Variants in LIMK2 observed in about 807,000 individuals in gnomAD.
The protein encoded by LIMK2 is LIM domain kinase 2.
LIMK2 carries 35 observed loss-of-function variants against 75.7 expected under a neutral mutation model. The observed-to-expected ratio is 0.46, with a 90% CI of 0.35 to 0.61. The LOEUF (loss-of-function observed/expected upper bound fraction) is 0.61, where lower values mean the gene tolerates loss of function less well. Ranked by LOEUF, LIMK2 falls within the 20% of genes least tolerant of loss-of-function variation. The pLI is 0.00. For missense variants in LIMK2, 623 were observed against 831.0 expected (o/e 0.75, Z 3.08); for synonymous variants, 301 against 319.2 (o/e 0.94, Z 0.61).
In LIMK2 at chr22:31,263,510, G is replaced by A. The variant is rs144698183; in HGVS notation, c.854+719G>A. Among the ~76,000 whole-genome samples the A allele has an allele frequency of 7.2e-5, 11 of 152,296 alleles. 1 individual carries two copies. The East Asian group carries it at 2.1e-3, about 29-fold the overall frequency. ...TGTATAGTGCTGCCATAGGGACAGTGTTCAGTAAACGTGACACATTCTTAG... is the reference window on the plus strand; with the variant it reads ...TGTATAGTGCTGCCATAGGGACAGTATTCAGTAAACGTGACACATTCTTAG... On this transcript the variant is annotated intron_variant, in intron 7 of 15. Coordinates refer to ENST00000331728, the MANE Select transcript of LIMK2 (RefSeq NM_005569.4).
chr22:31,246,306 A>G (rs753679910), intron 2 of LIMK2, among the ~76,000 whole-genome samples: 5 of 151,440 alleles, frequency 3.3e-5, no homozygotes, highest in South Asian at 2.1e-4. Context: ...TGAGACTACA[A>G]TGAACCATGT....
intron 5 of LIMK2, among the ~76,000 whole-genome samples, chr22:31,260,852 T>C (rs1170275507): frequency 6.6e-6 from 1 of 152,214 alleles, no homozygotes; most frequent in African/African-American, 2.4e-5. Context: ...AGGTTGAGTG[T>C]GGCCAGAAAA....
intron 2 of LIMK2, among the ~76,000 whole-genome samples, chr22:31,239,095 G>A (rs968710271): frequency 6.6e-6 from 1 of 152,172 alleles, no homozygotes; most frequent in Non-Finnish European, 1.5e-5. Context: ...GTGGCCCCAG[G>A]ACAAAGGCAT....
intron 2 of LIMK2, among the ~76,000 whole-genome samples, chr22:31,244,431 G>C (rs1315402437): frequency 2.0e-5 from 3 of 152,130 alleles, no homozygotes; most frequent in African/African-American, 7.2e-5. Flanking sequence ...CTGTGTGGCT[G>C]GGAGAAAGAT....
Position 31,272,700 on chromosome 22 carries a change from G to C in LIMK2, c.1554G>C (p.Leu518=), listed in dbSNP as rs2048971895. ...CCTACTGGATGGCCCCTGAGATGCT[G>C]AACGGTGAGTCCTGAAGCCCTGGAG... ...GNPYWMAPEM[L]NGKSYDETVD... Residue 518 remains leucine (L), a synonymous_variant, in exon 13 of 16, where the codon CTG becomes CTC. Transcript: ENST00000331728. 4 of 1,603,354 alleles carry C rather than the reference G, an allele frequency of 2.5e-6. No individual in the cohort carries two copies. The highest frequency in any genetic ancestry group is 3.4e-6 in the Non-Finnish European group (4 of 1,174,898).
chr22:31,225,870 T>A, intron 2 of LIMK2, 51 bp downstream of exon 2: 1 of 1,287,552 alleles, frequency 7.8e-7, no homozygotes, highest in Non-Finnish European at 1.1e-6. Flanking sequence ...GGCCAAGCAC[T>A]ATTTCATGTT....
rs578116549 is a variant in LIMK2, at chr22:31,251,444, G to A, written c.117-6847G>A. ...GAAAAATGAAGGACTTGGATCAGGT[G>A]AATGGTTCCCAGCTCTGCAACTTAT... On this transcript the variant is annotated intron_variant, in intron 2 of 15. Coordinates refer to ENST00000331728, the MANE Select transcript of LIMK2 (RefSeq NM_005569.4). Among the ~76,000 whole-genome samples, 6 of 152,276 alleles carry A rather than the reference G, an allele frequency of 3.9e-5. No homozygotes were observed. The South Asian group carries it at 1.0e-3, about 26-fold the overall frequency.
intron 12 of LIMK2, 29 bp downstream of exon 12, chr22:31,271,230 C>T (rs1569002282): frequency 3.8e-6 from 6 of 1,599,724 alleles, no homozygotes; most frequent in Admixed American, 1.7e-5. Context: ...GGCCTGGCCT[C>T]CAGGGTCCTA....
At chr22:31,257,394 CTTTTA>C (rs2048795793) in intron 2 of LIMK2, among the ~76,000 whole-genome samples, 1 of 151,918 alleles carries the variant, frequency 6.6e-6, no homozygotes, top group Non-Finnish European at 1.5e-5. Flanking sequence ...TATCTGTATA[CTTTTA>C]TTTATTTATT....
intron 5 of LIMK2, among the ~76,000 whole-genome samples, chr22:31,261,276 A>T (rs5753528): frequency 2.0e-5 from 3 of 151,880 alleles, no homozygotes; most frequent in Non-Finnish European, 4.4e-5. Context: ...GGCCAGGCGC[A>T]GTGGCTCACG....
intron 2 of LIMK2, among the ~76,000 whole-genome samples, chr22:31,234,549 C>T (rs2123789673): frequency 6.6e-6 from 1 of 150,914 alleles, no homozygotes; most frequent in Non-Finnish European, 1.5e-5. Flanking sequence ...GGTGAAACCC[C>T]ATCTCTACTA....
Position 31,260,089 on chromosome 22 carries a change from G to A in LIMK2, c.551+12G>A. 6.4e-7 allele frequency: 1 copy of A among 1,553,652 alleles called. No individual in the cohort carries two copies. On this transcript the variant is annotated intron_variant, in intron 5 of 15. Transcript: ENST00000331728. Reference sequence around the variant, plus strand: ...GTGCAAGTGAAAGAGTAAGTATTTTGAGAACCCTTCAGCAGGGGTTCTTGA... The same window carrying A: ...GTGCAAGTGAAAGAGTAAGTATTTTAAGAACCCTTCAGCAGGGGTTCTTGA...
In LIMK2 at chr22:31,262,277, C is replaced by A; in HGVS notation, c.657+38C>A. 1 of 1,464,706 alleles carries A rather than the reference C, an allele frequency of 6.8e-7. No homozygotes were observed. Among genetic ancestry groups the A allele is most frequent in the Non-Finnish European group, 9.6e-7 (1 of 1,043,584 alleles). 90.7% of individuals were successfully genotyped at this position (1,464,706 alleles called of 1,614,324 possible). A position where few individuals can be genotyped will look rare whatever the true frequency, so the allele number is the denominator to read the frequency against. ...TCTAATCTGTCTTGTGAGGGTGGGA[C>A]ATGGAACAGATCCTCTGAGAAATCA... On this transcript the variant is annotated intron_variant, in intron 6 of 15. Coordinates refer to ENST00000331728, the MANE Select transcript of LIMK2 (RefSeq NM_005569.4). This position sits in a 1 kb window ranked among gnomAD's most constrained non-coding sequence, Gnocchi z 5.0.
At chr22:31,274,351 G>C (rs1321815178) in intron 14 of LIMK2, among the ~76,000 whole-genome samples, 1 of 152,160 alleles carries the variant, frequency 6.6e-6, no homozygotes, top group African/African-American at 2.4e-5. Context: ...GTTGTGAGGG[G>C]TAGAGGAGAG....
chr22:31,258,520 C>T, intron 3 of LIMK2, 94 bp downstream of exon 3: 1 of 1,311,486 alleles, frequency 7.6e-7, no homozygotes, highest in South Asian at 1.3e-5. Context: ...TTTAGTCTTT[C>T]CATCAGCCAG....
intron 4 of LIMK2, 93 bp downstream of exon 4, chr22:31,259,323 G>C: frequency 2.7e-6 from 2 of 736,234 alleles, no homozygotes; most frequent in Admixed American, 4.1e-5. Context: ...AGGAGTGTTA[G>C]GGTAGTCAGA....
At position 31,225,262 on chromosome 22, in the gene LIMK2, G is replaced by GA. The variant is rs199708158; in HGVS notation, c.17-452dup. Among the ~76,000 whole-genome samples, 45 of 152,188 alleles carry GA rather than the reference G, an allele frequency of 3.0e-4. No homozygotes were observed. The East Asian group carries it at 8.3e-3, about 28-fold the overall frequency. ...CTTGGATTAGGTGATGGAAAAATCT[G>GA]AAAAAACAGGGCTTTTGAGGAATAG... On this transcript the variant is annotated intron_variant, in intron 1 of 15. Coordinates refer to ENST00000331728, the MANE Select transcript of LIMK2 (RefSeq NM_005569.4).
At position 31,262,149 on chromosome 22, in the gene LIMK2, C is replaced by T; in HGVS notation, c.567C>T (p.His189=). The T allele has an allele frequency of 1.2e-6, 2 of 1,614,130 alleles. No homozygotes were observed. The highest frequency in any genetic ancestry group is 1.7e-6 in the Non-Finnish European group (2 of 1,179,946). Reference sequence around the variant, plus strand: ...TCTGGCCCAGGGTCAACCGGATGCACATCAGTCCCAACAATCGAAACGCCA... The same window carrying T: ...TCTGGCCCAGGGTCAACCGGATGCATATCAGTCCCAACAATCGAAACGCCA... ...TVQVKEVNRM[H]ISPNNRNAIH... Residue 189 remains histidine, a synonymous_variant, in exon 6 of 16, where the codon CAC becomes CAT. Transcript: ENST00000331728. The surrounding 1 kb of genome is among the most constrained non-coding windows in gnomAD (Gnocchi z 5.0).
At chr22:31,221,989 T>TG (rs2048438238) in intron 1 of LIMK2, among the ~76,000 whole-genome samples, 1 of 151,996 alleles carries the variant, frequency 6.6e-6, no homozygotes, top group Non-Finnish European at 1.5e-5. Context: ...AGAGAAATGG[T>TG]GGGGGTGGAA....
Sources: allele counts gnomAD v4.1 joint callset (sites outside exome capture counted in the v4.1 genomes callset), GRCh38; gene constraint gnomAD v4.1.1; non-coding constraint Gnocchi (gnomAD v3.1); transcripts MANE v1.5; gene names NCBI Gene and HGNC (gene_info 2026-07-23, HGNC 2026-07-21).